The following GRM8 variants were observed in gnomAD, a reference collection of about 807,000 sequenced individuals.
The protein encoded by GRM8 is glutamate metabotropic receptor 8.
In GRM8, 47 loss-of-function variants were observed where a neutral mutation model predicts 87.2. The ratio of observed to expected loss-of-function variants is 0.54; its 90% CI spans 0.43 to 0.69. GRM8 has a LOEUF of 0.69. Ranked by LOEUF, GRM8 falls within the 30% of genes least tolerant of loss-of-function variation. The pLI is 0.00. For synonymous variants in GRM8, 396 were observed against 404.5 expected, an observed-to-expected ratio of 0.98 and a Z score of 0.25; for missense variants, 1,019 against 1,139.2, an observed-to-expected ratio of 0.89 and a Z score of 1.52.
At chr7:126,827,842 A>G (rs938682918) in intron 6 of GRM8, among the ~76,000 whole-genome samples, 80 of 152,100 alleles carry the variant, frequency 5.3e-4, no homozygotes, top group Non-Finnish European at 6.6e-4. Flanking sequence ...GATATTGGCT[A>G]TGGGTTTGTC....
At position 126,579,388 on chromosome 7, in the gene GRM8, T is replaced by C. The variant is rs1291420676; in HGVS notation, c.1494+29974A>G. Among the ~76,000 whole-genome samples, 6 of 152,356 alleles carry C rather than the reference T, an allele frequency of 3.9e-5. No individual in the cohort carries two copies. The East Asian group carries it at 1.2e-3, about 29-fold the overall frequency. On this transcript the variant is annotated intron_variant, in intron 8 of 10. Coordinates refer to ENST00000339582, the MANE Select transcript of GRM8 (RefSeq NM_000845.3). ...AGTATTTTCACATAAAAAAATTCTT[T>C]TGATCTTTAAAAACTTTCTATAAAC...
At chr7:126,767,265 C>T (rs905217334) in intron 7 of GRM8, among the ~76,000 whole-genome samples, 1 of 152,072 alleles carries the variant, frequency 6.6e-6, no homozygotes, top group African/African-American at 2.4e-5. Context: ...TTATCTTCCT[C>T]CTCCTTGGAA....
intron 2 of GRM8, 105 bp downstream of exon 2, chr7:127,242,590 C>A: frequency 9.2e-7 from 1 of 1,092,456 alleles, no homozygotes; most frequent in Non-Finnish European, 1.3e-6. Context: ...CCAAAAGGGT[C>A]TATGAGCACC....
chr7:126,477,622 A>G (rs7781235), intron 9 of GRM8, among the ~76,000 whole-genome samples: 18 of 143,898 alleles, frequency 1.3e-4, no homozygotes, highest in Non-Finnish European at 2.4e-4. Context: ...AAAGAAAGAA[A>G]GAAAGAAAGA....
At chr7:127,090,536 G>C (rs1034577246) in intron 3 of GRM8, among the ~76,000 whole-genome samples, 8 of 152,140 alleles carry the variant, frequency 5.3e-5, no homozygotes, top group African/African-American at 1.9e-4. Flanking sequence ...GCAGATCTCT[G>C]GTTCTTAATC....
At chr7:126,695,463 T>C (rs868433634) in intron 7 of GRM8, among the ~76,000 whole-genome samples, 1 of 152,100 alleles carries the variant, frequency 6.6e-6, no homozygotes, top group South Asian at 2.1e-4. Context: ...ACTGCCTAGC[T>C]GAAACTGTAA....
chr7:126,648,492 G>A (rs1803428823), intron 7 of GRM8, among the ~76,000 whole-genome samples: 1 of 152,170 alleles, frequency 6.6e-6, no homozygotes, highest in Non-Finnish European at 1.5e-5. Context: ...CAACACCCAT[G>A]ATTCCTCTGT....
intron 6 of GRM8, among the ~76,000 whole-genome samples, chr7:126,780,758 G>A (rs1819983377): frequency 6.6e-6 from 1 of 152,240 alleles, no homozygotes; most frequent in Non-Finnish European, 1.5e-5. Flanking sequence ...ATGGAACAAT[G>A]CAAATGACCG....
At chr7:126,670,805 G>GT (rs924393137) in intron 7 of GRM8, among the ~76,000 whole-genome samples, 10 of 151,968 alleles carry the variant, frequency 6.6e-5, no homozygotes, top group South Asian at 2.1e-4. Context: ...CCTTGCTTTA[G>GT]TTTTTTTTAT....
intron 2 of GRM8, among the ~76,000 whole-genome samples, chr7:127,122,433 C>G (rs1827137897): frequency 6.6e-6 from 1 of 150,930 alleles, no homozygotes. Flanking sequence ...TAATGCTTTG[C>G]TAGAGACTGT....
In GRM8 at chr7:126,533,831, G is replaced by T. The variant is rs996585769; in HGVS notation, c.1551C>A (p.Ser517Arg). Residue 517 changes from serine (S) to arginine (R), a missense_variant, in exon 9 of 11, where the codon AGC becomes AGA. Coordinates refer to ENST00000339582, the MANE Select transcript of GRM8 (RefSeq NM_000845.3). The stretch of plus-strand genomic sequence containing the variant: ...TCCTCTCCCCTGGCTTACACGGCAG[G>T]CTGCAGACAGACGCCGGGTGAGTAT... ...REHTHPASVC[S>R]LPCKPGERKK... 1.9e-6 allele frequency: 3 copies of T among 1,613,924 alleles called. No individual in the cohort carries two copies. Among genetic ancestry groups the T allele is most frequent in the African/African-American group, 2.7e-5 (2 of 74,904 alleles).
chr7:126,500,158 CACCAGA>C (rs1456565972), intron 9 of GRM8, among the ~76,000 whole-genome samples: 1 of 151,864 alleles, frequency 6.6e-6, no homozygotes, highest in Non-Finnish European at 1.5e-5. Flanking sequence ...TACAATAGAA[CACCAGA>C]ACCTAGTCCT....
chr7:126,804,324 A>G (rs768021836), intron 6 of GRM8, among the ~76,000 whole-genome samples: 3 of 152,210 alleles, frequency 2.0e-5, no homozygotes, highest in Non-Finnish European at 2.9e-5. Context: ...CATAACCAAG[A>G]TATACTGAAA....
intron 8 of GRM8, among the ~76,000 whole-genome samples, chr7:126,576,271 G>A (rs887745046): frequency 2.6e-5 from 4 of 152,144 alleles, no homozygotes; most frequent in East Asian, 1.9e-4. Context: ...TTTTTGTATT[G>A]TTCTGTTTTG....
Position 126,769,961 on chromosome 7 carries a change from T to G in GRM8, c.1261A>C (p.Lys421Gln). ...SMAYALHNMH[K>Q]DLCPGYIGLC... ...CCAATGTATCCAGGGCAGAGATCTT[T>G]GTGCATATTGTGCAGGGCGTAAGCC... is the stretch of plus-strand genomic sequence containing the variant. The change falls in exon 7 of 11, where the codon AAA becomes CAA. Residue 421 changes from lysine to glutamine, a missense_variant. Transcript: ENST00000339582. The G allele has an allele frequency of 1.9e-6, 3 of 1,612,104 alleles. No individual in the cohort carries two copies. The South Asian group carries it at 3.3e-5, about 18-fold the overall frequency.
intron 7 of GRM8, among the ~76,000 whole-genome samples, chr7:126,705,377 C>A (rs1161912226): frequency 6.6e-6 from 1 of 152,094 alleles, no homozygotes; most frequent in Non-Finnish European, 1.5e-5. Context: ...ATCATCAATA[C>A]CATTGTGGCT....
chr7:126,971,236 A>T (rs1463413472), intron 3 of GRM8, among the ~76,000 whole-genome samples: 1 of 151,098 alleles, frequency 6.6e-6, no homozygotes, highest in East Asian at 2.0e-4. Flanking sequence ...TATAAACATC[A>T]TGTTGTACAT....
At chr7:126,832,769 G>A (rs1157749006) in intron 6 of GRM8, among the ~76,000 whole-genome samples, 1 of 152,096 alleles carries the variant, frequency 6.6e-6, no homozygotes, top group Admixed American at 6.6e-5. Context: ...TCTTCTATTA[G>A]TTTATTTTTC....
intron 9 of GRM8, among the ~76,000 whole-genome samples, chr7:126,485,528 A>G (rs1034440666): frequency 6.6e-6 from 1 of 152,018 alleles, no homozygotes; most frequent in Non-Finnish European, 1.5e-5. Context: ...GAGGATCTTC[A>G]TAGGGGCCTT....
Sources: allele counts gnomAD v4.1 joint callset (sites outside exome capture counted in the v4.1 genomes callset), GRCh38; gene constraint gnomAD v4.1.1; transcripts MANE v1.5; gene names NCBI Gene and HGNC (gene_info 2026-07-23, HGNC 2026-07-21).